The following NELL1 variants were observed in gnomAD, a reference collection of about 807,000 sequenced individuals.
NELL1 encodes protein kinase C-binding protein NELL1.
Under a neutral mutation model 107.4 loss-of-function variants are expected in NELL1, and 76 were observed. The ratio of observed to expected loss-of-function variants is 0.71; its 90% CI spans 0.59 to 0.86. The LOEUF (loss-of-function observed/expected upper bound fraction) is 0.86, where lower values mean the gene tolerates loss of function less well. Among genes scored for constraint, NELL1 ranks in the 40% least tolerant of loss-of-function variants. The probability of loss-of-function intolerance (pLI) is 0.00; values close to 1 mark genes in which losing one functional copy is unlikely to be tolerated. For missense variants in NELL1, 1,024 were observed against 1,005.5 expected (o/e 1.02, Z -0.25); for synonymous variants, 353 against 341.2 (o/e 1.03, Z -0.38).
At chr11:21,303,690 C>T (rs1270571359) in intron 14 of NELL1, among the ~76,000 whole-genome samples, 1 of 152,014 alleles carries the variant, frequency 6.6e-6, no homozygotes, top group Non-Finnish European at 1.5e-5. Context: ...ATCAATATAC[C>T]AAAAAGATAC....
At chr11:21,424,165 A>G (rs905018361) in intron 15 of NELL1, among the ~76,000 whole-genome samples, 3 of 152,240 alleles carry the variant, frequency 2.0e-5, no homozygotes, top group African/African-American at 7.2e-5. Flanking sequence ...AGAAAAAATC[A>G]ATGAAATCAA....
intron 2 of NELL1, among the ~76,000 whole-genome samples, chr11:20,688,180 CTT>C (rs143780997): frequency 6.6e-6 from 1 of 151,418 alleles, no homozygotes; most frequent in African/African-American, 2.4e-5. Flanking sequence ...TGAGAGAGAA[CTT>C]TTTTTTTATT....
intron 2 of NELL1, among the ~76,000 whole-genome samples, chr11:20,700,466 G>T (rs1178371876): frequency 2.6e-5 from 4 of 151,574 alleles, no homozygotes; most frequent in Non-Finnish European, 4.4e-5. Flanking sequence ...GCAACAGAGT[G>T]AGACTCCATC....
intron 10 of NELL1, among the ~76,000 whole-genome samples, chr11:20,940,836 A>G (rs1008817397): frequency 5.9e-5 from 9 of 152,120 alleles, no homozygotes; most frequent in Admixed American, 3.3e-4. Context: ...ATAATTTTCT[A>G]CTTAAAAATA....
chr11:20,900,244 TAA>T lies in NELL1; in HGVS notation c.603+14706_603+14707del, dbSNP rs756963056. On this transcript the variant is annotated intron_variant, in intron 5 of 19. Coordinates refer to ENST00000357134, the MANE Select transcript of NELL1 (RefSeq NM_006157.5). ...CAAACTAGTTTACATGATCATGGAA[TAA>T]AGTTTCAAGAGTCAGAGCAGAAATG... Among the ~76,000 whole-genome samples, 11 of 152,136 alleles carry T rather than the reference TAA, an allele frequency of 7.2e-5. No homozygotes were observed. The South Asian group carries it at 8.3e-4, about 11-fold the overall frequency.
At chr11:21,366,341 C>T (rs1226023310) in intron 14 of NELL1, among the ~76,000 whole-genome samples, 2 of 152,080 alleles carry the variant, frequency 1.3e-5, no homozygotes, top group African/African-American at 4.8e-5. Flanking sequence ...AGGCATGGTC[C>T]TTTGCTGAAC....
chr11:20,903,068 G>C (rs1044255080), intron 5 of NELL1, among the ~76,000 whole-genome samples: 15 of 151,944 alleles, frequency 9.9e-5, no homozygotes, highest in African/African-American at 3.6e-4. Flanking sequence ...TCAAGTGTTT[G>C]CTATATGTTG....
intron 2 of NELL1, among the ~76,000 whole-genome samples, chr11:20,738,964 C>T (rs73446566): frequency 1.2e-3 from 183 of 152,304 alleles, no homozygotes; most frequent in African/African-American, 4.3e-3. Context: ...ACAAGTAGGG[C>T]TCTTTTAGCA....
intron 2 of NELL1, among the ~76,000 whole-genome samples, chr11:20,766,456 C>T (rs925575516): frequency 2.0e-5 from 3 of 152,152 alleles, no homozygotes; most frequent in Admixed American, 2.0e-4. Context: ...TGGCTTTTAG[C>T]CACATATTTT....
chr11:20,989,301 G>A (rs559365082), intron 12 of NELL1, among the ~76,000 whole-genome samples: 6 of 152,236 alleles, frequency 3.9e-5, no homozygotes, highest in African/African-American at 1.4e-4. Flanking sequence ...TAAGGCAGAT[G>A]GGCTCCATTC....
chr11:21,473,339 A>G (rs944851957), intron 15 of NELL1, among the ~76,000 whole-genome samples: 3 of 151,934 alleles, frequency 2.0e-5, no homozygotes, highest in African/African-American at 7.2e-5. Context: ...TTCTTTTTTC[A>G]TCTATTTTCC....
chr11:21,470,904 T>C (rs886329473), intron 15 of NELL1, among the ~76,000 whole-genome samples: 4 of 152,130 alleles, frequency 2.6e-5, no homozygotes, highest in Admixed American at 6.6e-5. Flanking sequence ...ATGGTAAAAA[T>C]AGTGGTATCT....
intron 12 of NELL1, among the ~76,000 whole-genome samples, chr11:20,980,589 A>G (rs1035481173): frequency 1.3e-5 from 2 of 152,216 alleles, no homozygotes; most frequent in African/African-American, 4.8e-5. Context: ...TTTTGAAAAT[A>G]AAATGTAGAA....
chr11:21,238,257 A>G (rs1858261295), intron 14 of NELL1, among the ~76,000 whole-genome samples: 2 of 152,050 alleles, frequency 1.3e-5, no homozygotes, highest in Admixed American at 1.3e-4. Context: ...GAATATCACA[A>G]ATACAACTAT....
At chr11:21,125,116 G>A (rs1855459179) in intron 13 of NELL1, among the ~76,000 whole-genome samples, 1 of 152,096 alleles carries the variant, frequency 6.6e-6, no homozygotes, top group African/African-American at 2.4e-5. Context: ...ATCTGATAGT[G>A]GAGTCCTACC....
chr11:20,700,382 G>A (rs1854745670), intron 2 of NELL1, among the ~76,000 whole-genome samples: 1 of 152,040 alleles, frequency 6.6e-6, no homozygotes. Context: ...GGGAGGCTGA[G>A]GCAGGAGAAT....
At chr11:20,842,104 C>T (rs1326986330) in intron 3 of NELL1, among the ~76,000 whole-genome samples, 2 of 152,046 alleles carry the variant, frequency 1.3e-5, no homozygotes, top group African/African-American at 2.4e-5. Flanking sequence ...GGGCTGGGTG[C>T]GGTGGCTCAT....
At chr11:21,488,876 A>C (rs1274118074) in intron 15 of NELL1, among the ~76,000 whole-genome samples, 4 of 152,158 alleles carry the variant, frequency 2.6e-5, no homozygotes, top group Non-Finnish European at 5.9e-5. Flanking sequence ...ACCTTAAGGA[A>C]CTGGAAAAGC....
intron 15 of NELL1, among the ~76,000 whole-genome samples, chr11:21,415,306 G>A (rs988124721): frequency 1.3e-5 from 2 of 152,114 alleles, no homozygotes; most frequent in Admixed American, 6.6e-5. Context: ...TGCACAGCCT[G>A]TGGTGACTAC....
Sources: gnomAD v4.1 joint callset for allele counts (sites outside exome capture counted in the v4.1 genomes callset) on GRCh38, gnomAD v4.1.1 for gene constraint, MANE v1.5 for transcripts, NCBI Gene and HGNC (gene_info 2026-07-23, HGNC 2026-07-21) for gene names.